ABLIM1: variants seen among roughly 807,000 people sequenced by gnomAD.
ABLIM1 encodes the protein actin-binding LIM protein 1.
ABLIM1 carries 40 observed loss-of-function variants against 107.0 expected under a neutral mutation model. The observed-to-expected ratio is 0.37, with a 90% CI of 0.29 to 0.49. The LOEUF (loss-of-function observed/expected upper bound fraction) is 0.49, where lower values mean the gene tolerates loss of function less well. ABLIM1 is among the 20% of genes least tolerant of loss of function. ABLIM1 has a pLI of 0.97. For synonymous variants in ABLIM1, 357 were observed against 357.3 expected (o/e 1.00, Z 0.01); for missense variants, 857 against 1,008.5 (o/e 0.85, Z 2.04).
At chr10:114,704,298 C>CTA (rs1368796727) in intron 1 of ABLIM1, among the ~76,000 whole-genome samples, 111 of 28,684 alleles carry the variant, frequency 3.9e-3, no homozygotes, top group Non-Finnish European at 7.7e-3. Context: ...CTCTCTCTCT[C>CTA]TCTCTATATA....
chr10:114,616,993 C>G (rs1370057322), intron 1 of ABLIM1, among the ~76,000 whole-genome samples: 1 of 152,216 alleles, frequency 6.6e-6, no homozygotes, highest in South Asian at 2.1e-4. Flanking sequence ...AAGCTGGATT[C>G]AAACCCATGA....
intron 1 of ABLIM1, among the ~76,000 whole-genome samples, chr10:114,679,531 A>C (rs1408358065): frequency 6.6e-6 from 1 of 150,412 alleles, no homozygotes; most frequent in African/African-American, 2.4e-5. Context: ...GCTACTCAGG[A>C]GGCTGAGGCA....
At chr10:114,558,327 T>C (rs1037760360) in intron 4 of ABLIM1, among the ~76,000 whole-genome samples, 2 of 152,132 alleles carry the variant, frequency 1.3e-5, no homozygotes, top group Admixed American at 6.5e-5. Flanking sequence ...CCATGACAAA[T>C]GCTTCTATGT....
intron 4 of ABLIM1, among the ~76,000 whole-genome samples, chr10:114,558,678 G>A (rs2069145803): frequency 6.6e-6 from 1 of 152,318 alleles, no homozygotes; most frequent in South Asian, 2.1e-4. Flanking sequence ...TAGGAGCTGA[G>A]AAATTTAGTA....
chr10:114,507,644 C>A lies in ABLIM1; in HGVS notation c.895-15766G>T, dbSNP rs190612410. On this transcript the variant is annotated intron_variant, in intron 6 of 22. Transcript: ENST00000533213. ...CACCCTGCCAGCCACACCTGCTGTA[C>A]CAGGCGCCAGTCACAGTCAGGTGAC... Among the ~76,000 whole-genome samples the A allele has an allele frequency of 2.6e-5, 4 of 152,274 alleles. No homozygotes were observed. The East Asian group carries it at 7.7e-4, about 29-fold the overall frequency.
At chr10:114,631,943 G>A (rs1434907574) in intron 1 of ABLIM1, 6 of 1,304,056 alleles carry the variant, frequency 4.6e-6, no homozygotes, top group Non-Finnish European at 6.1e-6. Flanking sequence ...CGACGAGCAG[G>A]ACTGAAGAAG....
chr10:114,562,094 G>A (rs536247227), intron 4 of ABLIM1, among the ~76,000 whole-genome samples: 1 of 152,300 alleles, frequency 6.6e-6, no homozygotes, highest in Non-Finnish European at 1.5e-5. Context: ...ATCCAGTAGA[G>A]CAACATTGAA....
intron 6 of ABLIM1, among the ~76,000 whole-genome samples, chr10:114,522,383 T>G (rs952429182): frequency 3.5e-4 from 53 of 152,166 alleles, no homozygotes; most frequent in Non-Finnish European, 4.4e-5. Flanking sequence ...CCAGATACAT[T>G]TGGCATCCTA....
At chr10:114,757,711 G>T (rs2082662235) in intron 1 of ABLIM1, among the ~76,000 whole-genome samples, 1 of 152,086 alleles carries the variant, frequency 6.6e-6, no homozygotes, top group South Asian at 2.1e-4. Flanking sequence ...TGTTCTTCTT[G>T]CTTCCACCCT....
At chr10:114,554,793 CCT>C (rs1354591205) in intron 4 of ABLIM1, among the ~76,000 whole-genome samples, 2 of 152,128 alleles carry the variant, frequency 1.3e-5, no homozygotes, top group Non-Finnish European at 2.9e-5. Flanking sequence ...TGTTTTGTCC[CCT>C]GTGTGTCTTG....
intron 6 of ABLIM1, among the ~76,000 whole-genome samples, chr10:114,506,473 C>A (rs1181142332): frequency 6.6e-6 from 1 of 152,124 alleles, no homozygotes; most frequent in African/African-American, 2.4e-5. Context: ...ATTTATACTC[C>A]CACCAGCAGT....
intron 1 of ABLIM1, among the ~76,000 whole-genome samples, chr10:114,718,296 C>T (rs1368285601): frequency 6.6e-6 from 1 of 151,944 alleles, no homozygotes; most frequent in Non-Finnish European, 1.5e-5. Flanking sequence ...TATCAGCAGC[C>T]AGCCCCAAAG....
intron 1 of ABLIM1, among the ~76,000 whole-genome samples, chr10:114,757,351 A>C (rs1044050265): frequency 2.6e-5 from 4 of 152,162 alleles, no homozygotes; most frequent in African/African-American, 7.2e-5. Context: ...TCATTTCTCT[A>C]TGTCTCATTT....
At chr10:114,651,758 C>G (rs1436803223) in intron 1 of ABLIM1, among the ~76,000 whole-genome samples, 1 of 152,186 alleles carries the variant, frequency 6.6e-6, no homozygotes, top group African/African-American at 2.4e-5. Flanking sequence ...CATTCATGCC[C>G]TTGCAAGATG....
chr10:114,626,458 G>A (rs763486540), intron 1 of ABLIM1, among the ~76,000 whole-genome samples: 1 of 152,110 alleles, frequency 6.6e-6, no homozygotes, highest in Non-Finnish European at 1.5e-5. Context: ...TGCCTAAGAG[G>A]TATGAACTGG....
In ABLIM1 at chr10:114,453,429, C is replaced by T. The variant is rs971590362; in HGVS notation, c.1496G>A (p.Arg499His). The T allele has an allele frequency of 3.7e-6, 6 of 1,613,142 alleles. No individual in the cohort carries two copies. The highest frequency in any genetic ancestry group is 2.7e-5 in the African/African-American group (2 of 74,846). Residue 499 changes from arginine (R) to histidine (H), a missense_variant, in exon 13 of 23, where the codon CGC becomes CAC. Physicochemically the swap from Arg to His is conservative, Grantham distance 29 (BLOSUM62 0). This residue lies in a region of ABLIM1 where 381 missense variants were observed against 506.9 expected (regional missense o/e 0.75). Coordinates refer to ENST00000533213, the MANE Select transcript of ABLIM1 (RefSeq NM_002313.7). ...CTGAGCGTAAGTTGGAGTTAGAGGG[C>T]GGCTGTCTGGCCGGTAAGGGAGAGG... ...NSPLPYRPDS[R>H]PLTPTYAQAP...
chr10:114,667,707 G>C (rs75318371), intron 1 of ABLIM1, among the ~76,000 whole-genome samples: 2,424 of 152,244 alleles, frequency 0.016, 62 homozygotes, highest in African/African-American at 0.054. Context: ...CATAGCCACT[G>C]TTCCCATTTC....
upstream of ABLIM1, among the ~76,000 whole-genome samples, chr10:114,769,449 AAGAAAGAAAGAAAGAAAG>A (rs1313655557): frequency 2.0e-5 from 1 of 49,994 alleles, no homozygotes; most frequent in African/African-American, 6.0e-5. Flanking sequence ...GAAAGAAAGA[AAGAAAGAAAGAAAGAAAG>A]AAAGAAAGAA....
intron 6 of ABLIM1, among the ~76,000 whole-genome samples, chr10:114,514,840 C>G (rs1244926960): frequency 6.6e-6 from 1 of 152,148 alleles, no homozygotes; most frequent in African/African-American, 2.4e-5. Context: ...AGTTTAAAAG[C>G]TTCAGATTGA....
Sources: gnomAD v4.1 joint callset for allele counts (sites outside exome capture counted in the v4.1 genomes callset) on GRCh38, gnomAD v4.1.1 for gene constraint, gnomAD v4.1.1 regional missense constraint, MANE v1.5 for transcripts, NCBI Gene and HGNC (gene_info 2026-07-23, HGNC 2026-07-21) for gene names.